GAS2L2: variants seen among roughly 807,000 people sequenced by gnomAD.
GAS2L2 encodes GAS2-like protein 2.
GAS2L2 carries 21 observed loss-of-function variants against 35.2 expected under a neutral mutation model. That is an observed-to-expected ratio of 0.60 (90% CI 0.42 to 0.86). GAS2L2 has a LOEUF of 0.86. Ranked by LOEUF, GAS2L2 falls within the 40% of genes least tolerant of loss-of-function variation. GAS2L2 has a pLI of 0.00. For synonymous variants in GAS2L2, 490 were observed against 473.2 expected (o/e 1.04, Z -0.46); for missense variants, 1,169 against 1,144.4 (o/e 1.02, Z -0.31).
Position 35,747,089 on chromosome 17 carries a change from G to A in GAS2L2, c.1012C>T (p.Pro338Ser), listed in dbSNP as rs782584650. 5.6e-6 allele frequency: 9 copies of A among 1,611,982 alleles called. No homozygotes were observed. Among genetic ancestry groups the A allele is most frequent in the South Asian group, 1.1e-5 (1 of 90,986 alleles). ...TCCCTGCGGGGTCTGGGGGAGGATG[G>A]GGTGGGGGGCCTCAGCCTTCGGTCT... is the stretch of plus-strand genomic sequence containing the variant. ...SSDRRLRPPT[P>S]SSPRPRRERG... is the part of the protein sequence containing the mutation. The change falls in exon 5 of 6, where the codon CCA (proline) becomes TCA (serine). Residue 338 changes from proline to serine, a missense_variant. This residue lies in a region of GAS2L2 where 1,035 missense variants were observed against 976.5 expected (regional missense o/e 1.06). Transcript: ENST00000604641.
rs781911879 is a variant in GAS2L2 at position 35,747,078 on chromosome 17, G to A, written c.1023C>T (p.Pro341=). 6.7e-5 allele frequency: 108 copies of A among 1,610,592 alleles called. No homozygotes were observed. Among genetic ancestry groups the A allele is most frequent in the Non-Finnish European group, 6.2e-5 (73 of 1,178,168 alleles). The change falls in exon 5 of 6, where the codon CCC becomes CCT. Residue 341 remains proline, a synonymous_variant. Transcript: ENST00000604641. The part of the protein sequence containing the change: ...RRLRPPTPSS[P]RPRRERGAGT... ...CTGCTCCCCGTTCCCTGCGGGGTCT[G>A]GGGGAGGATGGGGTGGGGGGCCTCA...
At chr17:35,751,397 G>A (rs373368010) in intron 1 of GAS2L2, among the ~76,000 whole-genome samples, 1 of 152,148 alleles carries the variant, frequency 6.6e-6, no homozygotes, top group Non-Finnish European at 1.5e-5. Context: ...GCTGGGTGTG[G>A]TGGCTCACAC....
At chr17:35,748,009 G>A (rs587679089) in intron 3 of GAS2L2, 64 bp from the exon 4 acceptor site, 64 of 1,254,106 alleles carry the variant, frequency 5.1e-5, no homozygotes, top group Admixed American at 1.9e-4. Context: ...GGACCAGCTC[G>A]CGGGCTTCCG....
chr17:35,750,432 G>T, intron 1 of GAS2L2, 114 bp from the exon 2 acceptor site: 1 of 1,408,878 alleles, frequency 7.1e-7, no homozygotes, highest in Non-Finnish European at 9.8e-7. Context: ...CCGGTCTGGG[G>T]CAGCAGACAT....
Position 35,747,080 on chromosome 17 carries a change from G to A in GAS2L2, c.1021C>T (p.Pro341Ser), listed in dbSNP as rs782531556. The A allele has an allele frequency of 6.2e-7, 1 of 1,611,814 alleles. No individual in the cohort carries two copies. The highest frequency in any genetic ancestry group is 8.5e-7 in the Non-Finnish European group (1 of 1,178,870). The change falls in exon 5 of 6, where the codon CCC (proline) becomes TCC (serine). Residue 341 changes from proline (P) to serine (S), a missense_variant. Physicochemically the swap from Pro to Ser is moderately conservative, Grantham distance 74. Transcript: ENST00000604641. ...RRLRPPTPSS[P>S]RPRRERGAGT... Reference sequence around the variant, plus strand: ...GCTCCCCGTTCCCTGCGGGGTCTGGGGGAGGATGGGGTGGGGGGCCTCAGC... The same window carrying A: ...GCTCCCCGTTCCCTGCGGGGTCTGGAGGAGGATGGGGTGGGGGGCCTCAGC...
In GAS2L2 at chr17:35,750,121, G is replaced by A. The variant is rs781953251; in HGVS notation, c.583C>T (p.Pro195Ser). The A allele has an allele frequency of 6.2e-6, 10 of 1,601,586 alleles. No homozygotes were observed. In the East Asian group the frequency reaches 1.3e-4, roughly 21 times the overall value. The stretch of plus-strand genomic sequence containing the variant: ...AAGTGGCAGGGCTGGCGCCTGGGGG[G>A]CGCTGGCGGCGAGGGGTCGGGCGGG... ...LPPPDPSPPAPPRRQPCHFRN... is the reference protein window; with the variant it reads ...LPPPDPSPPASPRRQPCHFRN... The change falls in exon 2 of 6, where the codon CCC (proline) becomes TCC (serine). Residue 195 changes from proline (P) to serine (S), a missense_variant. Physicochemically the swap from Pro to Ser is moderately conservative, Grantham distance 74. Coordinates refer to ENST00000604641, the MANE Select transcript of GAS2L2 (RefSeq NM_139285.4).
In GAS2L2 at chr17:35,752,906, T is replaced by C; in HGVS notation, c.-56A>G. The C allele has an allele frequency of 6.6e-7, 1 of 1,510,284 alleles. No homozygotes were observed. The highest frequency in any genetic ancestry group is 1.3e-5 in the South Asian group (1 of 79,394). The allele number at this position is 1,510,284 out of a possible 1,614,324, so 93.6% of individuals were successfully genotyped here. A position where few individuals can be genotyped will look rare whatever the true frequency, so the allele number is the denominator to read the frequency against. On this transcript the variant is annotated 5_prime_UTR_variant, in exon 1 of 6. Transcript: ENST00000604641. Reference sequence around the variant, plus strand: ...ACCTCCCCTCTCCCACTGCCGCCTCTTTCCTCCCGCTGCTGCTGGGTCTCG... The same window carrying C: ...ACCTCCCCTCTCCCACTGCCGCCTCCTTCCTCCCGCTGCTGCTGGGTCTCG...
Position 35,744,622 on chromosome 17 carries a change from G to A in GAS2L2, c.*232C>T, listed in dbSNP as rs141875615. On this transcript the variant is annotated 3_prime_UTR_variant, in exon 6 of 6. Transcript: ENST00000604641. ...GTGAGCCGTTCTAGGGGAGAGTAAT[G>A]AGATACAGGATGGTCCTACTGCCCC... 1.0e-4 allele frequency: 55 copies of A among 543,438 alleles called. No homozygotes were observed. Among genetic ancestry groups the A allele is most frequent in the African/African-American group, 9.0e-4 (48 of 53,448 alleles). 33.7% of individuals were successfully genotyped at this position (543,438 alleles called of 1,614,324 possible).
Position 35,747,096 on chromosome 17 carries a change from G to GA in GAS2L2, c.1004_1005insT (p.Thr337HisfsTer74). On this transcript the variant is annotated frameshift_variant, in exon 5 of 6. Transcript: ENST00000604641. LOFTEE classifies it high-confidence loss of function. ...GGGGTCTGGGGGAGGATGGGGTGGG[G>GA]GGCCTCAGCCTTCGGTCTGAAGAGG... The GA allele has an allele frequency of 3.7e-6, 6 of 1,612,272 alleles. No homozygotes were observed. The highest frequency in any genetic ancestry group is 4.2e-6 in the Non-Finnish European group (5 of 1,178,938).
chr17:35,746,249 A>C lies in GAS2L2; in HGVS notation c.1248T>G (p.Ile416Met). ...TTTCTTCATGAACCCAAGATGTGGG[A>C]ATCCTTCCCCTGGGGAGTTCAGGGG... The part of the protein sequence containing the change: ...RYPPELPRGR[I>M]PTSWVHEETD... The change falls in exon 6 of 6, where the codon ATT (isoleucine) becomes ATG (methionine). Residue 416 changes from isoleucine to methionine, a missense_variant. Physicochemically the swap from Ile to Met is conservative, Grantham distance 10. This residue lies in a region of GAS2L2 where 1,035 missense variants were observed against 976.5 expected (regional missense o/e 1.06). Coordinates refer to ENST00000604641, the MANE Select transcript of GAS2L2 (RefSeq NM_139285.4). The C allele has an allele frequency of 6.8e-7, 1 of 1,470,650 alleles. No individual in the cohort carries two copies. The highest frequency in any genetic ancestry group is 9.0e-7 in the Non-Finnish European group (1 of 1,109,796). The allele number at this position is 1,470,650 out of a possible 1,614,324, so 91.1% of individuals were successfully genotyped here.
rs148516918 is a variant in GAS2L2, at chr17:35,745,191, G to A, written c.2306C>T (p.Pro769Leu). 145 of 1,611,080 alleles carry A rather than the reference G, an allele frequency of 9.0e-5. No individual in the cohort carries two copies. The highest frequency in any genetic ancestry group is 1.2e-4 in the Non-Finnish European group (136 of 1,177,890). ...TCTCAGCTTCAGCTTGTAGATGGAC[G>A]GGACCCTCTTGGGCTTCCGGAGAGT... Reference protein sequence around the residue: ...RRTLRKPKRVPSIYKLKLRPR... With the variant: ...RRTLRKPKRVLSIYKLKLRPR... The change falls in exon 6 of 6, where the codon CCG (proline) becomes CTG (leucine). Residue 769 changes from proline (P) to leucine (L), a missense_variant. Transcript: ENST00000604641.
In GAS2L2 at chr17:35,744,838, A is replaced by G. The variant is rs1555598550; in HGVS notation, c.*16T>C. The G allele has an allele frequency of 6.4e-7, 1 of 1,551,668 alleles. No homozygotes were observed. Among genetic ancestry groups the G allele is most frequent in the East Asian group, 2.4e-5 (1 of 41,902 alleles). ...CATCCTTTTTGCTTCCCTCCTACCC[A>G]ACACGCTCATGTGCCTCAGACCCAG... is the stretch of plus-strand genomic sequence containing the variant. On this transcript the variant is annotated 3_prime_UTR_variant, in exon 6 of 6. Coordinates refer to ENST00000604641, the MANE Select transcript of GAS2L2 (RefSeq NM_139285.4).
intron 3 of GAS2L2, 114 bp from the exon 4 acceptor site, chr17:35,748,059 C>T: frequency 1.5e-6 from 1 of 686,408 alleles, no homozygotes; most frequent in Non-Finnish European, 2.6e-6. Context: ...TACCCATCCA[C>T]ACGTAGATGT....
chr17:35,748,006 C>G, intron 3 of GAS2L2, 61 bp from the exon 4 acceptor site: 1 of 1,313,864 alleles, frequency 7.6e-7, no homozygotes, highest in Non-Finnish European at 1.1e-6. Context: ...CCTGGACCAG[C>G]TCGCGGGCTT....
At position 35,745,775 on chromosome 17, in the gene GAS2L2, C is replaced by A. The variant is rs1555598827; in HGVS notation, c.1722G>T (p.Glu574Asp). 6.2e-6 allele frequency: 10 copies of A among 1,613,692 alleles called. No homozygotes were observed. The highest frequency in any genetic ancestry group is 8.5e-6 in the Non-Finnish European group (10 of 1,180,044). Residue 574 changes from glutamate (E) to aspartate (D), a missense_variant, in exon 6 of 6, where the codon GAG (glutamate) becomes GAT (aspartate). Physicochemically the swap from Glu to Asp is conservative, Grantham distance 45. This residue lies in a region of GAS2L2 where 1,035 missense variants were observed against 976.5 expected (regional missense o/e 1.06). Transcript: ENST00000604641. ...LDIQVMAEAR[E>D]SWDLGLQEQE... ...GCTCCTGTAGGCCCAGGTCCCAGGA[C>A]TCTCTGGCCTCTGCCATGACCTGGA...
chr17:35,752,647 G>A lies in GAS2L2; in HGVS notation c.204C>T (p.His68=), dbSNP rs146002583. 147 of 1,613,898 alleles carry A rather than the reference G, an allele frequency of 9.1e-5. 1 individual carries two copies. Among genetic ancestry groups the A allele is most frequent in the South Asian group, 7.8e-4 (71 of 91,088 alleles). The change falls in exon 1 of 6, where the codon CAC becomes CAT. Residue 68 remains histidine, a synonymous_variant. Transcript: ENST00000604641. ...GGGCAGCGTCAGTGACAACGTTGGC[G>A]TGTTGGCACAGCACCAGGCCCGTTT... The part of the protein sequence containing the change: ...VLETGLVLCQ[H]ANVVTDAALA...
At position 35,749,112 on chromosome 17, in the gene GAS2L2, G is replaced by A. The variant is rs587648574; in HGVS notation, c.733C>T (p.Arg245Trp). 3.7e-5 allele frequency: 60 copies of A among 1,608,970 alleles called. No individual in the cohort carries two copies. The highest frequency in any genetic ancestry group is 3.4e-4 in the South Asian group (31 of 90,932). Residue 245 changes from arginine to tryptophan, a missense_variant and splice_region_variant, in exon 3 of 6, where the codon CGG becomes TGG. Arg to Trp is a moderately radical substitution (Grantham distance 101). This residue lies in a region of GAS2L2 where 1,035 missense variants were observed against 976.5 expected (regional missense o/e 1.06). Transcript: ENST00000604641. ...VGDSNTLIFI[R>W]ILRNHVMVRV... ...CTTGACCCCCAGCCTGGACTTACCCGGATGAAGATGAGGGTGTTGGAGTCA... is the reference window on the plus strand; with the variant it reads ...CTTGACCCCCAGCCTGGACTTACCCAGATGAAGATGAGGGTGTTGGAGTCA...
At chr17:35,751,567 T>C (rs1555599776) in intron 1 of GAS2L2, among the ~76,000 whole-genome samples, 1 of 151,554 alleles carries the variant, frequency 6.6e-6, no homozygotes, top group Admixed American at 6.6e-5. Flanking sequence ...ACTCAGGAGA[T>C]GAGGCACATA....
In GAS2L2 at chr17:35,746,372, C is replaced by A; in HGVS notation, c.1125G>T (p.Pro375=). 1.5e-6 allele frequency: 2 copies of A among 1,347,986 alleles called. No homozygotes were observed. The highest frequency in any genetic ancestry group is 9.6e-7 in the Non-Finnish European group (1 of 1,041,524). The allele number at this position is 1,347,986 out of a possible 1,614,324, so 83.5% of individuals were successfully genotyped here. ...GGCTGGGTGGGCTGTCCCCAGCTGT[C>A]GGCTGCCTCCAAGATGGGATGAGAG... ...ERSLIPSWRQ[P]TAGDSPPSPQ... Residue 375 remains proline (P), a synonymous_variant, in exon 6 of 6, where the codon CCG becomes CCT. Coordinates refer to ENST00000604641, the MANE Select transcript of GAS2L2 (RefSeq NM_139285.4).
Sources: gnomAD v4.1 joint callset for allele counts (sites outside exome capture counted in the v4.1 genomes callset) on GRCh38, gnomAD v4.1.1 for gene constraint, gnomAD v4.1.1 regional missense constraint, MANE v1.5 for transcripts, NCBI Gene and HGNC (gene_info 2026-07-23, HGNC 2026-07-21) for gene names.